SNTB2: variants seen among roughly 807,000 people sequenced by gnomAD.
The protein encoded by SNTB2 is syntrophin beta 2, also known as beta-2-syntrophin.
SNTB2 carries 34 observed loss-of-function variants against 46.2 expected under a neutral mutation model. The observed-to-expected ratio is 0.74, with a 90% CI of 0.56 to 0.98. The LOEUF is 0.98. SNTB2 is among the 50% of genes least tolerant of loss of function. The probability of loss-of-function intolerance (pLI) is 0.00; values close to 1 mark genes in which losing one functional copy is unlikely to be tolerated. For synonymous variants in SNTB2, 290 were observed against 312.6 expected (o/e 0.93, Z 0.76); for missense variants, 603 against 731.4 (o/e 0.82, Z 2.02).
At chr16:69,275,813 G>T (rs1964981087) in intron 4 of SNTB2, among the ~76,000 whole-genome samples, 1 of 152,168 alleles carries the variant, frequency 6.6e-6, no homozygotes, top group Non-Finnish European at 1.5e-5. Context: ...GTAAGGAAAA[G>T]AAATTAAGGA....
chr16:69,292,355 TATATATATATATATATATATATA>T (rs1567416244), intron 5 of SNTB2, among the ~76,000 whole-genome samples: 323 of 27,154 alleles, frequency 0.012, 19 homozygotes, highest in Middle Eastern at 0.016. Context: ...CCTTATTTTT[TATATATATATATATATATATATA>T]TTATATATAT....
intron 1 of SNTB2, among the ~76,000 whole-genome samples, chr16:69,228,692 A>T (rs547056288): frequency 1.3e-5 from 2 of 152,190 alleles, no homozygotes; most frequent in Admixed American, 6.5e-5. Context: ...TCTATTAATT[A>T]TGTACATACA....
rs577485870 is a variant in SNTB2 at position 69,229,563 on chromosome 16, G to A, written c.581-16039G>A. ...TACAGTAATAGCTCACTTCAGGCCTGGTGCGGTGGCTCACACCTATGATCC... is the reference window on the plus strand; with the variant it reads ...TACAGTAATAGCTCACTTCAGGCCTAGTGCGGTGGCTCACACCTATGATCC... On this transcript the variant is annotated intron_variant, in intron 1 of 6. Transcript: ENST00000336278. Among the ~76,000 whole-genome samples, 4 of 149,748 alleles carry A rather than the reference G, an allele frequency of 2.7e-5. No individual in the cohort carries two copies. The South Asian group carries it at 8.5e-4, about 32-fold the overall frequency.
chr16:69,208,554 T>A (rs1032582936), intron 1 of SNTB2, among the ~76,000 whole-genome samples: 1 of 152,210 alleles, frequency 6.6e-6, no homozygotes, highest in Non-Finnish European at 1.5e-5. Context: ...ATATTTTGAA[T>A]TTTTCACAAT....
chr16:69,194,921 G>T, intron 1 of SNTB2, among the ~76,000 whole-genome samples: 1 of 152,188 alleles, frequency 6.6e-6, no homozygotes, highest in East Asian at 1.9e-4. Context: ...CATATTAAGA[G>T]ATTTAGAAAC....
At chr16:69,257,137 C>CT (rs1223611822) in intron 2 of SNTB2, among the ~76,000 whole-genome samples, 2 of 150,016 alleles carry the variant, frequency 1.3e-5, no homozygotes, top group African/African-American at 2.5e-5. Flanking sequence ...TGCCACTGTA[C>CT]TCCAGCCTGG....
chr16:69,192,295 A>T (rs1964063032), intron 1 of SNTB2, among the ~76,000 whole-genome samples: 1 of 152,210 alleles, frequency 6.6e-6, no homozygotes, highest in African/African-American at 2.4e-5. Context: ...TTGTCAGGGG[A>T]CATAGCAGAG....
chr16:69,290,851 C>T lies in SNTB2; in HGVS notation c.1345+6607C>T, dbSNP rs573643267. Among the ~76,000 whole-genome samples, 22 of 152,216 alleles carry T rather than the reference C, an allele frequency of 1.4e-4. 1 individual carries two copies. Among genetic ancestry groups the T allele is most frequent in the Admixed American group, 1.4e-3 (21 of 15,274 alleles). On this transcript the variant is annotated intron_variant, in intron 5 of 6. Coordinates refer to ENST00000336278, the MANE Select transcript of SNTB2 (RefSeq NM_006750.4). Reference sequence around the variant, plus strand: ...AGTATGGTTAGGACTTGAACTGGGGCCTTTTTGGGCTCCAGAACTAGAGCC... The same window carrying T: ...AGTATGGTTAGGACTTGAACTGGGGTCTTTTTGGGCTCCAGAACTAGAGCC...
intron 1 of SNTB2, among the ~76,000 whole-genome samples, chr16:69,218,595 G>A (rs935123032): frequency 1.3e-5 from 2 of 151,978 alleles, no homozygotes; most frequent in Admixed American, 6.6e-5. Context: ...CTAATGTTTT[G>A]TATTTTTAGT....
At chr16:69,232,549 G>T (rs1165443847) in intron 1 of SNTB2, among the ~76,000 whole-genome samples, 4 of 103,210 alleles carry the variant, frequency 3.9e-5, no homozygotes. Context: ...GTCTCGCTCT[G>T]TTGCCAGGCT....
chr16:69,203,853 C>T (rs753629852), intron 1 of SNTB2, among the ~76,000 whole-genome samples: 1 of 151,870 alleles, frequency 6.6e-6, no homozygotes, highest in African/African-American at 2.4e-5. Context: ...CTGCAACCTC[C>T]GCCTCCCAGG....
intron 2 of SNTB2, among the ~76,000 whole-genome samples, chr16:69,251,269 C>T (rs1198891373): frequency 6.6e-6 from 1 of 151,486 alleles, no homozygotes; most frequent in Non-Finnish European, 1.5e-5. Context: ...TGAGCCACTG[C>T]ACCCGGCCTT....
rs555668864 is a variant in SNTB2, at chr16:69,239,535, T to TTTTA, written c.581-6042_581-6039dup. On this transcript the variant is annotated intron_variant, in intron 1 of 6. Coordinates refer to ENST00000336278, the MANE Select transcript of SNTB2 (RefSeq NM_006750.4). ...AACCCTTAGAAACCACTGAATTTAT[T>TTTTA]TTTATTTATTTATTTATTTATTTAT... 6.5e-3 allele frequency among the ~76,000 whole-genome samples: 981 copies of TTTTA among 151,840 alleles called. 8 individuals carry two copies. Among genetic ancestry groups the TTTTA allele is most frequent in the African/African-American group, 0.012 (492 of 41,412 alleles).
At chr16:69,254,636 G>A (rs1964756010) in intron 2 of SNTB2, among the ~76,000 whole-genome samples, 1 of 152,096 alleles carries the variant, frequency 6.6e-6, no homozygotes, top group Non-Finnish European at 1.5e-5. Flanking sequence ...CCACACATTG[G>A]GAAGAAATCT....
At chr16:69,295,230 A>ATTTTT (rs1160903028) in intron 5 of SNTB2, among the ~76,000 whole-genome samples, 2 of 81,934 alleles carry the variant, frequency 2.4e-5, no homozygotes, top group Non-Finnish European at 4.5e-5. Context: ...AACATACTGA[A>ATTTTT]TTTTTTTTTT....
intron 4 of SNTB2, among the ~76,000 whole-genome samples, chr16:69,274,163 T>C (rs1964963859): frequency 6.7e-6 from 1 of 149,234 alleles, no homozygotes. Context: ...AATACAAAAA[T>C]TAGCCCAGCG....
intron 2 of SNTB2, among the ~76,000 whole-genome samples, chr16:69,256,839 C>T (rs1280018802): frequency 6.6e-6 from 1 of 152,098 alleles, no homozygotes; most frequent in Non-Finnish European, 1.5e-5. Context: ...ATGTTGCCCT[C>T]CTGTTGAGAA....
intron 1 of SNTB2, among the ~76,000 whole-genome samples, chr16:69,222,135 G>A (rs148422324): frequency 5.9e-5 from 9 of 152,258 alleles, no homozygotes; most frequent in African/African-American, 9.6e-5. Context: ...TTATGGCATC[G>A]TTTTAAATTA....
At chr16:69,203,974 C>T (rs562274537) in intron 1 of SNTB2, among the ~76,000 whole-genome samples, 38 of 152,022 alleles carry the variant, frequency 2.5e-4, no homozygotes, top group Non-Finnish European at 5.0e-4. Context: ...CTTACTGCAA[C>T]CTCCACCTCC....
Sources: allele counts gnomAD v4.1 joint callset (sites outside exome capture counted in the v4.1 genomes callset), GRCh38; gene constraint gnomAD v4.1.1; transcripts MANE v1.5; gene names NCBI Gene and HGNC (gene_info 2026-07-23, HGNC 2026-07-21).